The following NR3C2 variants were observed in gnomAD, a reference collection of about 807,000 sequenced individuals.
NR3C2 encodes mineralocorticoid receptor.
NR3C2 carries 15 observed loss-of-function variants against 86.4 expected under a neutral mutation model. That is an observed-to-expected ratio of 0.17 (90% confidence interval 0.12 to 0.27). NR3C2 has a LOEUF of 0.27. Among genes scored for constraint, NR3C2 ranks in the 10% least tolerant of loss-of-function variants. The pLI is 1.00. For missense variants in NR3C2, 960 were observed against 1,195.6 expected (o/e 0.80, Z 2.91); for synonymous variants, 458 against 450.5 (o/e 1.02, Z -0.21).
intron 2 of NR3C2, among the ~76,000 whole-genome samples, chr4:148,363,762 C>G (rs1745972941): frequency 1.3e-5 from 2 of 152,124 alleles, no homozygotes; most frequent in Non-Finnish European, 2.9e-5. Context: ...CTTGGCCTCC[C>G]AAAGTGCTGG....
intron 2 of NR3C2, among the ~76,000 whole-genome samples, chr4:148,426,433 T>C (rs947522179): frequency 1.3e-5 from 2 of 152,224 alleles, no homozygotes; most frequent in East Asian, 3.8e-4. Context: ...CTACTTTGTA[T>C]GATACTGGAG....
chr4:148,265,658 TACC>T (rs1740347651), intron 2 of NR3C2, among the ~76,000 whole-genome samples: 1 of 152,228 alleles, frequency 6.6e-6, no homozygotes, highest in African/African-American at 2.4e-5. Context: ...TAAAAGCTTC[TACC>T]ACCACCATCA....
chr4:148,285,626 G>A (rs1198575575), intron 2 of NR3C2, among the ~76,000 whole-genome samples: 1 of 152,098 alleles, frequency 6.6e-6, no homozygotes. Context: ...AGAATCGCTT[G>A]AACCCAGGAG....
chr4:148,398,820 A>C (rs977281439), intron 2 of NR3C2, among the ~76,000 whole-genome samples: 1 of 152,204 alleles, frequency 6.6e-6, no homozygotes, highest in Non-Finnish European at 1.5e-5. Flanking sequence ...ACTAAAAAAG[A>C]AGTACCCTGG....
At chr4:148,145,334 C>T (rs1733815613) in intron 6 of NR3C2, among the ~76,000 whole-genome samples, 1 of 152,158 alleles carries the variant, frequency 6.6e-6, no homozygotes, top group Non-Finnish European at 1.5e-5. Flanking sequence ...ATGCGGACAG[C>T]CCACCCCAAG....
intron 8 of NR3C2, among the ~76,000 whole-genome samples, chr4:148,105,424 C>T (rs1331267429): frequency 6.6e-6 from 1 of 152,186 alleles, no homozygotes; most frequent in African/African-American, 2.4e-5. Context: ...TAGACGGATT[C>T]ACAGCCGAAT....
At chr4:148,269,653 A>AAAAAC (rs917436584) in intron 2 of NR3C2, among the ~76,000 whole-genome samples, 2 of 152,148 alleles carry the variant, frequency 1.3e-5, no homozygotes, top group Admixed American at 6.5e-5. Flanking sequence ...ACCCCCCCAA[A>AAAAAC]AAAACAAAAC....
At chr4:148,217,145 T>G (rs1400257127) in intron 3 of NR3C2, among the ~76,000 whole-genome samples, 1 of 152,202 alleles carries the variant, frequency 6.6e-6, no homozygotes, top group African/African-American at 2.4e-5. Flanking sequence ...AAGCACTTAT[T>G]TGCATGACTG....
intron 2 of NR3C2, among the ~76,000 whole-genome samples, chr4:148,264,375 G>A (rs1051477346): frequency 6.6e-6 from 1 of 152,148 alleles, no homozygotes; most frequent in African/African-American, 2.4e-5. Context: ...AATGGGGGGA[G>A]GCAGATCTTG....
At chr4:148,249,937 T>C (rs1249574066) in intron 3 of NR3C2, among the ~76,000 whole-genome samples, 1 of 152,180 alleles carries the variant, frequency 6.6e-6, no homozygotes, top group African/African-American at 2.4e-5. Context: ...GTTTATGGTA[T>C]CAGAAAGATG....
chr4:148,368,842 G>T (rs1746276192), intron 2 of NR3C2, among the ~76,000 whole-genome samples: 1 of 152,162 alleles, frequency 6.6e-6, no homozygotes, highest in Admixed American at 6.5e-5. Context: ...GCTCTGTTTG[G>T]TCCAGCATGA....
At chr4:148,127,273 T>C (rs969195502) in intron 6 of NR3C2, among the ~76,000 whole-genome samples, 1 of 152,186 alleles carries the variant, frequency 6.6e-6, no homozygotes. Context: ...TGTATAGAAA[T>C]GTACATGCAA....
chr4:148,122,877 C>T (rs1732573293), intron 6 of NR3C2, among the ~76,000 whole-genome samples: 1 of 151,996 alleles, frequency 6.6e-6, no homozygotes, highest in Non-Finnish European at 1.5e-5. Flanking sequence ...TGTGTTTGAA[C>T]AATATGAAAT....
At chr4:148,246,427 T>A (rs767329858) in intron 3 of NR3C2, among the ~76,000 whole-genome samples, 1 of 152,228 alleles carries the variant, frequency 6.6e-6, no homozygotes, top group Non-Finnish European at 1.5e-5. Flanking sequence ...TTTAAAAAAA[T>A]TCACTACTGA....
intron 2 of NR3C2, among the ~76,000 whole-genome samples, chr4:148,320,995 G>C (rs909964664): frequency 1.5e-4 from 22 of 150,008 alleles, no homozygotes; most frequent in Non-Finnish European, 2.4e-4. Context: ...GATCTTTCCT[G>C]CTTTCTCTTG....
At chr4:148,326,314 T>C (rs899782428) in intron 2 of NR3C2, among the ~76,000 whole-genome samples, 7 of 151,634 alleles carry the variant, frequency 4.6e-5, no homozygotes, top group Non-Finnish European at 7.4e-5. Context: ...GGCAGGATAA[T>C]GTCATGAACC....
At chr4:148,371,691 C>A (rs1453972895) in intron 2 of NR3C2, among the ~76,000 whole-genome samples, 2 of 151,986 alleles carry the variant, frequency 1.3e-5, no homozygotes, top group Non-Finnish European at 2.9e-5. Context: ...ACACTGTACA[C>A]TTTCCTTAAA....
chr4:148,184,019 G>A (rs1735764086), intron 4 of NR3C2, among the ~76,000 whole-genome samples: 1 of 152,060 alleles, frequency 6.6e-6, no homozygotes, highest in Non-Finnish European at 1.5e-5. Context: ...CAGGGACACT[G>A]ATAAACACCC....
intron 2 of NR3C2, among the ~76,000 whole-genome samples, chr4:148,273,021 T>A (rs1260933260): frequency 6.6e-6 from 1 of 152,206 alleles, no homozygotes; most frequent in Non-Finnish European, 1.5e-5. Context: ...CTTCGTGCCA[T>A]GTACCGGGGC....
Sources: allele counts gnomAD v4.1 joint callset (sites outside exome capture counted in the v4.1 genomes callset), GRCh38; gene constraint gnomAD v4.1.1; transcripts MANE v1.5; gene names NCBI Gene and HGNC (gene_info 2026-07-23, HGNC 2026-07-21).